The following BMPR1B variants were observed in gnomAD, a reference collection of about 807,000 sequenced individuals.
BMPR1B encodes the protein bone morphogenetic protein receptor type 1B, also known as bone morphogenetic protein receptor type-1B.
BMPR1B carries 12 observed loss-of-function variants against 59.1 expected under a neutral mutation model. The observed-to-expected ratio is 0.20, with a 90% CI of 0.13 to 0.33. The LOEUF is 0.33. Among genes scored for constraint, BMPR1B ranks in the 10% least tolerant of loss-of-function variants. The probability of loss-of-function intolerance (pLI) is 1.00; values close to 1 mark genes in which losing one functional copy is unlikely to be tolerated. For synonymous variants in BMPR1B, 237 were observed against 207.3 expected, an observed-to-expected ratio of 1.14 and a Z score of -1.23; for missense variants, 550 against 610.9, an observed-to-expected ratio of 0.90 and a Z score of 1.05.
intron 2 of BMPR1B, among the ~76,000 whole-genome samples, chr4:94,973,895 C>A (rs1730908762): frequency 6.6e-6 from 1 of 152,042 alleles, no homozygotes. Flanking sequence ...ATTTATGGTC[C>A]TTGCTTTGGA....
At chr4:94,847,848 T>C (rs534010299) in intron 1 of BMPR1B, among the ~76,000 whole-genome samples, 1 of 152,066 alleles carries the variant, frequency 6.6e-6, no homozygotes, top group Non-Finnish European at 1.5e-5. Context: ...TACAAAAATA[T>C]ACAGAATGAA....
chr4:94,837,096 C>G (rs1724851818), intron 1 of BMPR1B, among the ~76,000 whole-genome samples: 1 of 144,898 alleles, frequency 6.9e-6, no homozygotes, highest in African/African-American at 2.6e-5. Context: ...TCTGAGGGCT[C>G]TGTTCTGTTC....
At chr4:95,104,611 A>C (rs1218434048) in intron 4 of BMPR1B, 44 bp downstream of exon 4, 1 of 1,606,006 alleles carries the variant, frequency 6.2e-7, no homozygotes, top group East Asian at 2.2e-5. Flanking sequence ...ACAAAAAGTC[A>C]CACTTTTTCA....
chr4:94,916,731 G>A (rs904624178), intron 2 of BMPR1B, among the ~76,000 whole-genome samples: 2 of 152,232 alleles, frequency 1.3e-5, no homozygotes, highest in African/African-American at 4.8e-5. Flanking sequence ...AAGAATTCAA[G>A]CAGGCTGCAT....
At chr4:94,934,627 A>G (rs1172516800) in intron 2 of BMPR1B, among the ~76,000 whole-genome samples, 1 of 152,056 alleles carries the variant, frequency 6.6e-6, no homozygotes, top group Non-Finnish European at 1.5e-5. Context: ...TGACCTGGGA[A>G]TTGCATACAA....
chr4:95,090,269 A>C (rs1379891515), intron 3 of BMPR1B, among the ~76,000 whole-genome samples: 1 of 151,862 alleles, frequency 6.6e-6, no homozygotes, highest in African/African-American at 2.4e-5. Flanking sequence ...ATGTTCTTTA[A>C]TATATATATT....
intron 5 of BMPR1B, 88 bp downstream of exon 5, chr4:95,114,910 C>A: frequency 7.6e-7 from 1 of 1,311,306 alleles, no homozygotes; most frequent in Non-Finnish European, 1.1e-6. Flanking sequence ...TTTTCTTGGC[C>A]AGCCCATTTT....
intron 2 of BMPR1B, among the ~76,000 whole-genome samples, chr4:94,981,017 A>T (rs910191431): frequency 5.5e-5 from 1 of 18,278 alleles, no homozygotes; most frequent in Non-Finnish European, 1.4e-4. Flanking sequence ...ACACACACAC[A>T]CACACAAAAA....
intron 3 of BMPR1B, among the ~76,000 whole-genome samples, chr4:95,034,246 A>G (rs1003199998): frequency 5.3e-5 from 8 of 152,202 alleles, no homozygotes; most frequent in African/African-American, 1.9e-4. Flanking sequence ...TTTTGTGGGT[A>G]CATAATAGGT....
At chr4:94,990,078 C>G (rs1483972591) in intron 2 of BMPR1B, among the ~76,000 whole-genome samples, 1 of 152,168 alleles carries the variant, frequency 6.6e-6, no homozygotes, top group Non-Finnish European at 1.5e-5. Context: ...TAAGTTGAGG[C>G]CGGGCATGGT....
At chr4:94,836,661 C>G (rs898023255) in intron 1 of BMPR1B, among the ~76,000 whole-genome samples, 2 of 146,628 alleles carry the variant, frequency 1.4e-5, no homozygotes, top group Non-Finnish European at 3.0e-5. Context: ...GATATTAGCC[C>G]TTTGTCAGAT....
intron 1 of BMPR1B, among the ~76,000 whole-genome samples, chr4:94,871,935 T>G (rs1261866070): frequency 6.6e-6 from 1 of 152,266 alleles, no homozygotes; most frequent in East Asian, 1.9e-4. Flanking sequence ...TGCTTACTCA[T>G]GTTGTAACAC....
rs189565466 is a variant in BMPR1B, at chr4:95,151,121, T to C, written c.1253-1522T>C. Among the ~76,000 whole-genome samples the C allele has an allele frequency of 2.0e-5, 3 of 152,316 alleles. No individual in the cohort carries two copies. In the East Asian group the frequency reaches 5.8e-4, roughly 29 times the overall value. ...CATCCAGATGTAGGCCTTTCCATCT[T>C]TTAAAGGAGAAGAAAGACAGAAAGG... is the stretch of plus-strand genomic sequence containing the variant. On this transcript the variant is annotated intron_variant, in intron 11 of 12. Coordinates refer to ENST00000515059, the MANE Select transcript of BMPR1B (RefSeq NM_001203.3).
chr4:94,879,328 GATTT>G (rs1726866955), intron 2 of BMPR1B, among the ~76,000 whole-genome samples: 1 of 152,196 alleles, frequency 6.6e-6, no homozygotes, highest in Admixed American at 6.5e-5. Context: ...AAAACATTTG[GATTT>G]ATTTGAGTGT....
chr4:94,917,179 A>G (rs978913187), intron 2 of BMPR1B, among the ~76,000 whole-genome samples: 4 of 152,210 alleles, frequency 2.6e-5, no homozygotes, highest in African/African-American at 9.7e-5. Flanking sequence ...ACCCTTACAG[A>G]GAACCACTGT....
intron 8 of BMPR1B, among the ~76,000 whole-genome samples, chr4:95,126,522 A>C (rs1367854152): frequency 1.3e-5 from 2 of 152,172 alleles, no homozygotes; most frequent in Non-Finnish European, 2.9e-5. Flanking sequence ...TACCAGAAAT[A>C]TCAGTATAAC....
intron 3 of BMPR1B, among the ~76,000 whole-genome samples, chr4:95,032,684 T>C (rs943691013): frequency 3.3e-5 from 5 of 152,162 alleles, no homozygotes; most frequent in African/African-American, 1.2e-4. Flanking sequence ...ATCCATGTTG[T>C]AGTATGTGTC....
intron 2 of BMPR1B, among the ~76,000 whole-genome samples, chr4:94,932,484 G>T (rs11945215): frequency 0.13 from 19,807 of 152,048 alleles, 1,449 homozygotes; most frequent in African/African-American, 0.19. Flanking sequence ...TAAAAAACTT[G>T]CAAAATGATA....
At chr4:95,140,149 T>C (rs956461224) in intron 10 of BMPR1B, among the ~76,000 whole-genome samples, 10 of 152,348 alleles carry the variant, frequency 6.6e-5, no homozygotes, top group Non-Finnish European at 7.3e-5. Context: ...TTGCCTGTTA[T>C]GTAGTCATCA....
Sources: allele counts gnomAD v4.1 joint callset (sites outside exome capture counted in the v4.1 genomes callset), GRCh38; gene constraint gnomAD v4.1.1; transcripts MANE v1.5; gene names NCBI Gene and HGNC (gene_info 2026-07-23, HGNC 2026-07-21).